The following PLEKHG1 variants were observed in gnomAD, a reference collection of about 807,000 sequenced individuals.
PLEKHG1 encodes the protein pleckstrin homology and RhoGEF domain containing G1, also known as pleckstrin homology domain-containing family G member 1.
In PLEKHG1, 44 loss-of-function variants were observed where a neutral mutation model predicts 100.8. That is an observed-to-expected ratio of 0.44 (90% CI 0.34 to 0.56). PLEKHG1 has a LOEUF of 0.56. Ranked by LOEUF, PLEKHG1 falls within the 20% of genes least tolerant of loss-of-function variation. The pLI is 0.01. For synonymous variants in PLEKHG1, 640 were observed against 662.5 expected, an observed-to-expected ratio of 0.97 and a Z score of 0.52; for missense variants, 1,545 against 1,720.9, an observed-to-expected ratio of 0.90 and a Z score of 1.81.
At chr6:150,602,553 C>A (rs1776398049) in intron 1 of PLEKHG1, among the ~76,000 whole-genome samples, 1 of 152,180 alleles carries the variant, frequency 6.6e-6, no homozygotes, top group African/African-American at 2.4e-5. Flanking sequence ...GGTTTTCTCA[C>A]CTTTCCTCAT....
At chr6:150,705,860 C>T (rs1247098311) in intron 3 of PLEKHG1, among the ~76,000 whole-genome samples, 1 of 152,160 alleles carries the variant, frequency 6.6e-6, no homozygotes, top group East Asian at 1.9e-4. Context: ...AAGAAATAAA[C>T]ACTGGGATGG....
intron 14 of PLEKHG1, among the ~76,000 whole-genome samples, chr6:150,826,177 G>C (rs1317098887): frequency 1.3e-5 from 2 of 152,058 alleles, no homozygotes; most frequent in African/African-American, 4.8e-5. Flanking sequence ...AGCAAAAAAG[G>C]CTGGGCGCGG....
At chr6:150,761,957 T>C (rs1784182599) in intron 2 of PLEKHG1, among the ~76,000 whole-genome samples, 1 of 152,178 alleles carries the variant, frequency 6.6e-6, no homozygotes, top group Non-Finnish European at 1.5e-5. Context: ...TAGAGGGGAC[T>C]GAACAGGCGC....
At chr6:150,725,258 G>A (rs1781904268) in intron 1 of PLEKHG1, among the ~76,000 whole-genome samples, 1 of 152,110 alleles carries the variant, frequency 6.6e-6, no homozygotes. Context: ...CATGAGGGTA[G>A]AGCCCTCATG....
chr6:150,606,177 C>T (rs1424928966), intron 1 of PLEKHG1, among the ~76,000 whole-genome samples: 2 of 152,172 alleles, frequency 1.3e-5, no homozygotes, highest in Non-Finnish European at 2.9e-5. Context: ...ATCCTGTTTA[C>T]GTAAAATTGG....
chr6:150,839,950 T>C (rs17080410), exon 16 of PLEKHG1: 67,180 of 1,613,890 alleles, frequency 0.042, 1,611 homozygotes, highest in South Asian at 0.063. Flanking sequence ...CTGAGGTCTG[T>C]GTCACCTTCC....
At chr6:150,745,838 A>C (rs1783132966) in intron 2 of PLEKHG1, among the ~76,000 whole-genome samples, 1 of 152,226 alleles carries the variant, frequency 6.6e-6, no homozygotes, top group African/African-American at 2.4e-5. Context: ...ATGCTATAGT[A>C]AATAGGGAAC....
intron 6 of PLEKHG1, among the ~76,000 whole-genome samples, chr6:150,804,158 T>TAA: frequency 3.2e-5 from 1 of 31,168 alleles, no homozygotes; most frequent in Non-Finnish European, 8.8e-5. Flanking sequence ...AAATATTTTA[T>TAA]ATATATATAT....
intron 1 of PLEKHG1, among the ~76,000 whole-genome samples, chr6:150,602,633 G>A (rs910192174): frequency 5.3e-5 from 8 of 152,064 alleles, no homozygotes; most frequent in African/African-American, 9.6e-5. Context: ...GAAATGATTC[G>A]TATCAGTGTT....
intron 10 of PLEKHG1, among the ~76,000 whole-genome samples, chr6:150,814,762 G>A (rs1787759319): frequency 6.6e-6 from 1 of 152,204 alleles, no homozygotes; most frequent in South Asian, 2.1e-4. Flanking sequence ...AGGCTGGAGT[G>A]CAGTGGTGCA....
chr6:150,799,453 G>A (rs1028705707), intron 5 of PLEKHG1, among the ~76,000 whole-genome samples: 4 of 152,178 alleles, frequency 2.6e-5, no homozygotes, highest in African/African-American at 9.7e-5. Flanking sequence ...ACCCAGCCAG[G>A]TCCTTGTCCT....
intron 3 of PLEKHG1, among the ~76,000 whole-genome samples, chr6:150,779,344 G>GTTTTTTTTTTTTT (rs71554482): frequency 5.1e-4 from 53 of 104,494 alleles, no homozygotes; most frequent in African/African-American, 1.6e-3. Context: ...TTGTCAAGAA[G>GTTTTTTTTTTTTT]TTTTTTTTTT....
Position 150,831,525 on chromosome 6 carries a change from A to G in PLEKHG1, c.2414A>G (p.Asp805Gly). The G allele has an allele frequency of 4.3e-6, 7 of 1,614,082 alleles. No individual in the cohort carries two copies. Among genetic ancestry groups the G allele is most frequent in the Non-Finnish European group, 5.9e-6 (7 of 1,179,994 alleles). Residue 805 changes from aspartate to glycine, a missense_variant, in exon 15 of 16, where the codon GAT becomes GGT. Coordinates refer to ENST00000358517, the Ensembl canonical transcript of PLEKHG1. This position sits in a 1 kb window ranked among gnomAD's most constrained non-coding sequence, Gnocchi z 4.1. Reference sequence around the variant, plus strand: ...GCCCCTTACCATCAGGCCACTCCCGATCATGGTTATCTGAGTTTGCTGTAT... The same window carrying G: ...GCCCCTTACCATCAGGCCACTCCCGGTCATGGTTATCTGAGTTTGCTGTAT...
At chr6:150,792,131 T>C (rs1786015994) in intron 4 of PLEKHG1, among the ~76,000 whole-genome samples, 1 of 152,140 alleles carries the variant, frequency 6.6e-6, no homozygotes, top group Admixed American at 6.6e-5. Context: ...TAAAGTTGTA[T>C]TTTATCCTTT....
intron 15 of PLEKHG1, among the ~76,000 whole-genome samples, 188 bp downstream of exon 16, chr6:150,832,393 T>C (rs1776998337): frequency 1.3e-5 from 2 of 152,220 alleles, no homozygotes; most frequent in South Asian, 4.1e-4. Flanking sequence ...ATCCACATTG[T>C]AGCATGATTT....
chr6:150,840,456 C>G (rs767412345), exon 16 of PLEKHG1: 2 of 1,614,060 alleles, frequency 1.2e-6, no homozygotes, highest in African/African-American at 2.7e-5. Context: ...ACTCTCAGAT[C>G]TCACACTCCA....
In PLEKHG1 at chr6:150,774,422, T is replaced by G. The variant is rs200588090; in HGVS notation, c.512+5684T>G. 2.6e-5 allele frequency among the ~76,000 whole-genome samples: 4 copies of G among 152,200 alleles called. No homozygotes were observed. In the East Asian group the frequency reaches 7.7e-4, roughly 29 times the overall value. The stretch of plus-strand genomic sequence containing the variant: ...CATATGATTTTACTCTTTCTATTCA[T>G]AATGTGGTAAATATTAATAGGGGAC... On this transcript the variant is annotated intron_variant, in intron 3 of 15. Coordinates refer to ENST00000358517, the Ensembl canonical transcript of PLEKHG1.
rs192313619 is a variant in PLEKHG1, at chr6:150,682,865, G to T, written c.-99+32079G>T. Among the ~76,000 whole-genome samples the T allele has an allele frequency of 6.6e-5, 10 of 152,252 alleles. No homozygotes were observed. The East Asian group carries it at 1.9e-3, about 29-fold the overall frequency. The stretch of plus-strand genomic sequence containing the variant: ...GAGAGGCATATGCGGGTTAAAGAGA[G>T]ACCAGGAGCTCCTGGAGCACCACCC... On this transcript the variant is annotated intron_variant, in intron 3 of 3. Transcript: ENST00000367326.
intron 1 of PLEKHG1, among the ~76,000 whole-genome samples, chr6:150,724,248 C>T (rs1781841535): frequency 6.6e-6 from 1 of 152,194 alleles, no homozygotes; most frequent in African/African-American, 2.4e-5. Flanking sequence ...AAATAGACTC[C>T]CAAAGGGGCA....
Sources: allele counts gnomAD v4.1 joint callset (sites outside exome capture counted in the v4.1 genomes callset), GRCh38; gene constraint gnomAD v4.1.1; non-coding constraint Gnocchi (gnomAD v3.1); transcripts MANE v1.5; gene names NCBI Gene and HGNC (gene_info 2026-07-23, HGNC 2026-07-21).